The following DIS3L2 variants were observed in gnomAD, a reference collection of about 807,000 sequenced individuals.
The protein encoded by DIS3L2 is DIS3-like exonuclease 2.
DIS3L2 carries 34 observed loss-of-function variants against 97.5 expected under a neutral mutation model. The observed-to-expected ratio is 0.35, with a 90% confidence interval of 0.27 to 0.46. The LOEUF is 0.46. Ranked by LOEUF, DIS3L2 falls within the 20% of genes least tolerant of loss-of-function variation. DIS3L2 has a pLI of 1.00. For synonymous variants in DIS3L2, 435 were observed against 445.2 expected (o/e 0.98, Z 0.29); for missense variants, 1,038 against 1,146.0 (o/e 0.91, Z 1.36).
At chr2:232,162,396 C>A (rs893329814) in intron 8 of DIS3L2, among the ~76,000 whole-genome samples, 1 of 152,202 alleles carries the variant, frequency 6.6e-6, no homozygotes, top group Non-Finnish European at 1.5e-5. Context: ...CTGCTGCATT[C>A]CAGTGGCAAG....
At chr2:232,279,412 A>G (rs903623532) in intron 13 of DIS3L2, among the ~76,000 whole-genome samples, 9 of 152,186 alleles carry the variant, frequency 5.9e-5, no homozygotes, top group Non-Finnish European at 1.2e-4. Context: ...CTGTCTGCAT[A>G]TCTTCTTTGG....
chr2:232,181,478 C>T (rs1399677742), intron 9 of DIS3L2, among the ~76,000 whole-genome samples: 1 of 152,160 alleles, frequency 6.6e-6, no homozygotes, highest in African/African-American at 2.4e-5. Flanking sequence ...GGTCCTTTCA[C>T]ATAGTCCCAT....
intron 13 of DIS3L2, among the ~76,000 whole-genome samples, chr2:232,272,667 C>G (rs932846021): frequency 2.0e-5 from 3 of 152,180 alleles, no homozygotes; most frequent in African/African-American, 4.8e-5. Context: ...AGAAGGCAAT[C>G]TAACAGAACA....
intron 1 of DIS3L2, among the ~76,000 whole-genome samples, chr2:231,981,062 G>A (rs1049155121): frequency 1.3e-5 from 2 of 152,104 alleles, no homozygotes; most frequent in Non-Finnish European, 2.9e-5. Context: ...TTATGTCTCA[G>A]CCTCCTGAGT....
intron 9 of DIS3L2, among the ~76,000 whole-genome samples, chr2:232,166,268 A>G (rs775023383): frequency 3.3e-5 from 5 of 152,106 alleles, no homozygotes; most frequent in Non-Finnish European, 1.5e-5. Context: ...AAGGGAAAAA[A>G]GAAAAGAAAC....
At chr2:232,308,716 A>G (rs1170420005) in intron 14 of DIS3L2, among the ~76,000 whole-genome samples, 1 of 152,122 alleles carries the variant, frequency 6.6e-6, no homozygotes, top group Non-Finnish European at 1.5e-5. Flanking sequence ...AGGTCACTGT[A>G]AGGACACCTG....
chr2:232,112,409 A>AAATAC (rs1299479514), intron 6 of DIS3L2, among the ~76,000 whole-genome samples: 1 of 152,216 alleles, frequency 6.6e-6, no homozygotes, highest in African/African-American at 2.4e-5. Context: ...AAGTGAATAC[A>AAATAC]AAGTAAAATC....
intron 5 of DIS3L2, among the ~76,000 whole-genome samples, chr2:232,086,022 A>G (rs1696572238): frequency 6.6e-6 from 1 of 151,996 alleles, no homozygotes; most frequent in African/African-American, 2.4e-5. Flanking sequence ...TATGTTGCCC[A>G]GGCCGGTCTT....
intron 10 of DIS3L2, among the ~76,000 whole-genome samples, chr2:232,221,314 T>C (rs1391960226): frequency 6.6e-6 from 1 of 152,180 alleles, no homozygotes; most frequent in Non-Finnish European, 1.5e-5. Flanking sequence ...AAGCTACATA[T>C]GTTTATGTTT....
chr2:232,334,290 G>A lies in DIS3L2; in HGVS notation c.2159-79G>A, dbSNP rs577968525. 19 of 1,509,420 alleles carry A rather than the reference G, an allele frequency of 1.3e-5. No homozygotes were observed. The Admixed American group carries it at 1.5e-4, about 12-fold the overall frequency. The allele number at this position is 1,509,420 out of a possible 1,614,324, so 93.5% of individuals were successfully genotyped here. A position where few individuals can be genotyped will look rare whatever the true frequency, so the allele number is the denominator to read the frequency against. On this transcript the variant is annotated intron_variant, in intron 17 of 20. Transcript: ENST00000325385. Reference sequence around the variant, plus strand: ...CCTAATCTGTCGGCGGGGGTGCAGCGCCATGCAGCCCATCCCCCAGCCATA... The same window carrying A: ...CCTAATCTGTCGGCGGGGGTGCAGCACCATGCAGCCCATCCCCCAGCCATA...
intron 16 of DIS3L2, among the ~76,000 whole-genome samples, chr2:232,332,637 C>G (rs1695772201): frequency 6.6e-6 from 1 of 152,084 alleles, no homozygotes; most frequent in East Asian, 1.9e-4. Flanking sequence ...GTATCTCCCC[C>G]TGCCCCAGTC....
chr2:232,161,595 C>T (rs576512827), intron 8 of DIS3L2, among the ~76,000 whole-genome samples: 119 of 152,164 alleles, frequency 7.8e-4, no homozygotes, highest in African/African-American at 2.3e-3. Flanking sequence ...CTCAGCCACC[C>T]GAATAGCTGG....
At chr2:232,280,039 A>G (rs146933462) in intron 13 of DIS3L2, among the ~76,000 whole-genome samples, 1 of 152,318 alleles carries the variant, frequency 6.6e-6, no homozygotes, top group East Asian at 1.9e-4. Flanking sequence ...TTTTGGTGTC[A>G]TATCTAAGAA....
At chr2:231,992,562 G>A (rs760959821) in intron 1 of DIS3L2, among the ~76,000 whole-genome samples, 7 of 152,076 alleles carry the variant, frequency 4.6e-5, no homozygotes, top group Middle Eastern at 3.4e-3. Flanking sequence ...AACAGCTCAC[G>A]AACTCCACAT....
At chr2:232,188,527 C>T (rs1691510619) in intron 9 of DIS3L2, among the ~76,000 whole-genome samples, 2 of 152,084 alleles carry the variant, frequency 1.3e-5, no homozygotes, top group South Asian at 2.1e-4. Flanking sequence ...CATACATAGG[C>T]AAATAAATGA....
chr2:231,965,510 A>G (rs1191402323), intron 1 of DIS3L2, among the ~76,000 whole-genome samples: 1 of 152,090 alleles, frequency 6.6e-6, no homozygotes, highest in East Asian at 1.9e-4. Context: ...GCATCCACCA[A>G]AGATACATTT....
intron 13 of DIS3L2, among the ~76,000 whole-genome samples, chr2:232,285,941 A>G (rs1574994306): frequency 1.3e-5 from 2 of 152,260 alleles, no homozygotes; most frequent in South Asian, 4.1e-4. Flanking sequence ...TGATTGTTAA[A>G]CAAGTACACA....
intron 9 of DIS3L2, among the ~76,000 whole-genome samples, chr2:232,169,757 C>T (rs1174641535): frequency 6.6e-6 from 1 of 152,070 alleles, no homozygotes; most frequent in Non-Finnish European, 1.5e-5. Flanking sequence ...TTCTACATAC[C>T]CGTTTAGGTT....
rs1437451585 is a variant in DIS3L2, at chr2:232,323,945, G to T, written c.1740-5868G>T. Among the ~76,000 whole-genome samples the T allele has an allele frequency of 8.5e-5, 13 of 152,140 alleles. No homozygotes were observed. The East Asian group carries it at 2.3e-3, about 27-fold the overall frequency. On this transcript the variant is annotated intron_variant, in intron 14 of 20. Coordinates refer to ENST00000325385, the MANE Select transcript of DIS3L2 (RefSeq NM_152383.5). ...CAGGCACCCAGCCCCACCCGGCCTG[G>T]CCTGGAACAGAGCTGCCACCAAGAT...
Sources: allele counts gnomAD v4.1 joint callset (sites outside exome capture counted in the v4.1 genomes callset), GRCh38; gene constraint gnomAD v4.1.1; transcripts MANE v1.5; gene names NCBI Gene and HGNC (gene_info 2026-07-23, HGNC 2026-07-21).